Variants in TRPV1 observed in about 807,000 individuals in gnomAD.
The protein encoded by TRPV1 is transient receptor potential cation channel subfamily V member 1.
Under a neutral mutation model 82.3 loss-of-function variants are expected in TRPV1, and 82 were observed. The observed-to-expected ratio is 1.00, with a 90% confidence interval of 0.83 to 1.20. The LOEUF (loss-of-function observed/expected upper bound fraction) is 1.20. Among genes scored for constraint, TRPV1 ranks in the 50% most tolerant of loss-of-function variants. The pLI is 0.00. For missense variants in TRPV1, 1,067 were observed against 1,096.8 expected, an observed-to-expected ratio of 0.97 and a Z score of 0.38; for synonymous variants, 515 against 467.7, an observed-to-expected ratio of 1.10 and a Z score of -1.30.
chr17:3,586,150 G>C (rs1431222354), intron 8 of TRPV1, among the ~76,000 whole-genome samples: 1 of 152,228 alleles, frequency 6.6e-6, no homozygotes, highest in African/African-American at 2.4e-5. Context: ...AGTGTCCCCA[G>C]AGGTGCAGTG....
intron 2 of TRPV1, among the ~76,000 whole-genome samples, chr17:3,594,577 T>G (rs2075201289): frequency 6.6e-6 from 1 of 152,154 alleles, no homozygotes; most frequent in Non-Finnish European, 1.5e-5. Context: ...TGCCTGTTGA[T>G]CCACTTTCAA....
Position 3,574,909 on chromosome 17 carries a change from C to T in TRPV1, c.1781-954G>A, listed in dbSNP as rs540030661. 2.3e-3 allele frequency among the ~76,000 whole-genome samples: 259 copies of T among 111,724 alleles called. 2 individuals carry two copies. The highest frequency in any genetic ancestry group is 3.9e-3 in the Admixed American group (35 of 8,878). The allele number at this position is 111,724 out of a possible 152,430, so 73.3% of individuals were successfully genotyped here. The stretch of plus-strand genomic sequence containing the variant: ...CTCCAGCCTGGGCGACAGAACGAGA[C>T]TCTATCTCAAAAAAAAAAAAAAAAA... On this transcript the variant is annotated intron_variant, in intron 13 of 16. Transcript: ENST00000572705.
chr17:3,586,039 C>G (rs186027806), intron 8 of TRPV1, 113 bp from the exon 9 acceptor site: 1 of 1,381,668 alleles, frequency 7.2e-7, no homozygotes, highest in Non-Finnish European at 9.9e-7. Flanking sequence ...CCTCAGCCCA[C>G]GGAGCAGGTG....
At chr17:3,576,668 A>AAAAATATATATATATAT in intron 13 of TRPV1, among the ~76,000 whole-genome samples, 6 of 38,416 alleles carry the variant, frequency 1.6e-4, no homozygotes, top group African/African-American at 4.4e-4. Context: ...AAAAAAAAAA[A>AAAAATATATATATATAT]ATATATATAT....
intron 8 of TRPV1, among the ~76,000 whole-genome samples, chr17:3,587,652 CTA>C (rs1182410004): frequency 6.6e-6 from 1 of 152,042 alleles, no homozygotes; most frequent in Non-Finnish European, 1.5e-5. Flanking sequence ...AATCCTGTCT[CTA>C]TTAAATACAA....
chr17:3,571,025 G>C (rs949929072), intron 16 of TRPV1, among the ~76,000 whole-genome samples: 1 of 152,186 alleles, frequency 6.6e-6, no homozygotes, highest in Non-Finnish European at 1.5e-5. Flanking sequence ...CCTCCTTGGG[G>C]TTTTTCTGCT....
At chr17:3,594,138 AAAAAAAAAAAAAAAGAAGCAGC>A (rs1177289390) in intron 2 of TRPV1, among the ~76,000 whole-genome samples, 5 of 123,764 alleles carry the variant, frequency 4.0e-5, no homozygotes, top group African/African-American at 2.6e-4. Flanking sequence ...AAAAAAAAAA[AAAAAAAAAAAAAAAGAAGCAGC>A]AGCAGCAGCA....
chr17:3,596,538 C>G (rs775168152), intron 2 of TRPV1, among the ~76,000 whole-genome samples: 6 of 152,232 alleles, frequency 3.9e-5, no homozygotes, highest in Non-Finnish European at 7.3e-5. Flanking sequence ...GTCCACTCCA[C>G]AGAGAGGGCG....
intron 16 of TRPV1, 90 bp downstream of exon 16, chr17:3,571,434 C>G: frequency 9.4e-7 from 1 of 1,062,194 alleles, no homozygotes; most frequent in Non-Finnish European, 1.4e-6. Context: ...ATGAGGAACC[C>G]GGCAAGGCGT....
rs1261287339 is a variant in TRPV1, at chr17:3,591,173, A to G, written c.451+14T>C. The G allele has an allele frequency of 6.2e-7, 1 of 1,608,438 alleles. No homozygotes were observed. The highest frequency in any genetic ancestry group is 1.1e-5 in the South Asian group (1 of 90,146). On this transcript the variant is annotated intron_variant, in intron 4 of 16. Transcript: ENST00000572705. The stretch of plus-strand genomic sequence containing the variant: ...CAGGGCTGGGGCCCTCCCCGAGCCC[A>G]GCGCTGGGGCCACCTTTGAACTCGT...
At chr17:3,581,443 G>A (rs1175351733) in intron 10 of TRPV1, among the ~76,000 whole-genome samples, 1 of 151,968 alleles carries the variant, frequency 6.6e-6, no homozygotes, top group Non-Finnish European at 1.5e-5. Flanking sequence ...CTGTGGCACT[G>A]TACTTTACTG....
chr17:3,603,531 A>G (rs903212920), intron 2 of TRPV1, among the ~76,000 whole-genome samples: 10 of 152,236 alleles, frequency 6.6e-5, no homozygotes, highest in Admixed American at 5.9e-4. Flanking sequence ...ACAGCCAAGA[A>G]CACCTGCCCT....
intron 11 of TRPV1, 149 bp downstream of exon 11, chr17:3,580,308 C>A: frequency 1.3e-6 from 1 of 785,844 alleles, no homozygotes; most frequent in East Asian, 2.6e-5. Flanking sequence ...ATTCATCCCC[C>A]GAGTATGTAT....
At position 3,572,239 on chromosome 17, in the gene TRPV1, G is replaced by A. The variant is rs1438931940; in HGVS notation, c.2114C>T (p.Thr705Ile). The A allele has an allele frequency of 1.9e-6, 3 of 1,609,214 alleles. No individual in the cohort carries two copies. Among genetic ancestry groups the A allele is most frequent in the Non-Finnish European group, 2.5e-6 (3 of 1,177,942 alleles). Residue 705 changes from threonine to isoleucine, a missense_variant, in exon 15 of 17, where the codon ACC becomes ATC. Transcript: ENST00000572705. ...GAAGCTCTTCTCCGTGTCCAGGATG[G>A]TGATGGCTCTCTGCAGGAAGACACC... Reference protein sequence around the residue: ...KNIWKLQRAITILDTEKSFLK... With the variant: ...KNIWKLQRAIIILDTEKSFLK...
chr17:3,604,762 C>G (rs929169847), intron 2 of TRPV1, among the ~76,000 whole-genome samples: 1 of 152,058 alleles, frequency 6.6e-6, no homozygotes, highest in African/African-American at 2.4e-5. Context: ...AGTCCCCTAC[C>G]CTGCCCTGAA....
chr17:3,591,733 C>T (rs76254516), intron 3 of TRPV1, among the ~76,000 whole-genome samples: 1 of 152,130 alleles, frequency 6.6e-6, no homozygotes, highest in African/African-American at 2.4e-5. Flanking sequence ...CAGAAGTCAG[C>T]CAGCCTGTGG....
intron 9 of TRPV1, among the ~76,000 whole-genome samples, chr17:3,584,406 A>AT (rs2075058315): frequency 2.0e-5 from 1 of 50,570 alleles, no homozygotes; most frequent in Non-Finnish European, 4.0e-5. Context: ...CTGTCTCAAA[A>AT]AAAAAAAAAA....
rs745703082 is a variant in TRPV1, at chr17:3,566,823, C to T, written c.2512G>A (p.Glu838Lys). 3 of 1,613,744 alleles carry T rather than the reference C, an allele frequency of 1.9e-6. No homozygotes were observed. The highest frequency in any genetic ancestry group is 2.2e-5 in the South Asian group (2 of 91,060). The change falls in exon 17 of 17, where the codon GAG (glutamate) becomes AAG (lysine). Residue 838 changes from glutamate to lysine, a missense_variant. Coordinates refer to ENST00000572705, the MANE Select transcript of TRPV1 (RefSeq NM_080704.4). ...CTGTCTGCGTGACGTCCTCACTTCT[C>T]CCCGGAAGCGGCAGGACTCTTGAAG... Reference protein sequence around the residue: ...EVFKSPAASGEK With the variant: ...EVFKSPAASGKK
chr17:3,589,471 G>T (rs1202084709), intron 7 of TRPV1, among the ~76,000 whole-genome samples: 2 of 152,050 alleles, frequency 1.3e-5, no homozygotes, highest in African/African-American at 4.8e-5. Flanking sequence ...CAAAATGCTG[G>T]GATTACAAGA....
Sources: gnomAD v4.1 joint callset for allele counts (sites outside exome capture counted in the v4.1 genomes callset) on GRCh38, gnomAD v4.1.1 for gene constraint, MANE v1.5 for transcripts, NCBI Gene and HGNC (gene_info 2026-07-23, HGNC 2026-07-21) for gene names.